Variants in METTL15 observed in about 807,000 individuals in gnomAD.
METTL15 encodes methyltransferase 15, mitochondrial 12S rRNA N4-cytidine, also known as 12S rRNA N(4)-cytidine methyltransferase METTL15.
In METTL15, 34 loss-of-function variants were observed where a neutral mutation model predicts 38.3. The ratio of observed to expected loss-of-function variants is 0.89; its 90% CI spans 0.68 to 1.18. METTL15 has a LOEUF of 1.18. METTL15 is among the 50% of genes most tolerant of loss of function. The pLI, the probability that METTL15 is intolerant of heterozygous loss-of-function variation, is 0.00. For missense variants in METTL15, 438 were observed against 498.4 expected, an observed-to-expected ratio of 0.88 and a Z score of 1.15; for synonymous variants, 162 against 170.9, an observed-to-expected ratio of 0.95 and a Z score of 0.41.
intron 4 of METTL15, among the ~76,000 whole-genome samples, chr11:28,269,287 C>T (rs1279092722): frequency 6.6e-6 from 1 of 151,974 alleles, no homozygotes. Context: ...AGATTTCTCT[C>T]CCTCTTAGAA....
chr11:28,327,191 T>C (rs889835018), intron 6 of METTL15, among the ~76,000 whole-genome samples: 1 of 152,132 alleles, frequency 6.6e-6, no homozygotes, highest in Non-Finnish European at 1.5e-5. Context: ...AAGATGGGAC[T>C]TAGTGAGGTT....
At chr11:28,155,550 C>G (rs891433983) in intron 3 of METTL15, among the ~76,000 whole-genome samples, 1 of 152,070 alleles carries the variant, frequency 6.6e-6, no homozygotes, top group Non-Finnish European at 1.5e-5. Context: ...GAATTAATGG[C>G]TTATGGACCC....
chr11:28,465,506 G>A (rs1033367475), intron 6 of METTL15, among the ~76,000 whole-genome samples: 3 of 152,000 alleles, frequency 2.0e-5, no homozygotes, highest in African/African-American at 4.8e-5. Context: ...TCTCCACTTC[G>A]ATAACTTAGA....
chr11:28,431,602 A>G (rs1172666346), intron 6 of METTL15, among the ~76,000 whole-genome samples: 1 of 69,334 alleles, frequency 1.4e-5, no homozygotes, highest in African/African-American at 5.5e-5. Context: ...AAGAGTCATC[A>G]CCAATCCCTA....
At chr11:28,430,506 G>A (rs1329709286) in intron 6 of METTL15, among the ~76,000 whole-genome samples, 3 of 1,396 alleles carry the variant, frequency 2.1e-3, no homozygotes, top group Admixed American at 4.2e-3. Context: ...AGATGGGGGG[G>A]TCAGCCCCCC....
At chr11:28,113,043 C>T (rs1269935565) in intron 2 of METTL15, among the ~76,000 whole-genome samples, 1 of 152,030 alleles carries the variant, frequency 6.6e-6, no homozygotes, top group East Asian at 1.9e-4. Context: ...ATTTTCATAT[C>T]CCTAATGGTT....
intron 5 of METTL15, among the ~76,000 whole-genome samples, chr11:28,366,019 C>A (rs191218576): frequency 6.6e-6 from 1 of 152,254 alleles, no homozygotes; most frequent in East Asian, 1.9e-4. Context: ...CACTGCACCC[C>A]AGCCTGGGTG....
chr11:28,445,846 T>A (rs1851070932), intron 6 of METTL15, among the ~76,000 whole-genome samples: 1 of 151,744 alleles, frequency 6.6e-6, no homozygotes, highest in African/African-American at 2.4e-5. Context: ...AGAGATGAGG[T>A]TTTGCCATGT....
intron 6 of METTL15, chr11:28,327,552 CTT>C (rs1367620181): frequency 6.6e-6 from 1 of 152,566 alleles, no homozygotes; most frequent in Non-Finnish European, 1.5e-5. Context: ...TAAATTATCA[CTT>C]TGGGTGAATG....
chr11:28,188,185 T>A (rs1851570691), intron 3 of METTL15, among the ~76,000 whole-genome samples: 1 of 151,316 alleles, frequency 6.6e-6, no homozygotes, highest in South Asian at 2.1e-4. Context: ...TTGGGACATA[T>A]CATAGTTGAA....
chr11:28,310,046 C>T (rs1404382084), intron 6 of METTL15, among the ~76,000 whole-genome samples: 2 of 150,064 alleles, frequency 1.3e-5, no homozygotes, highest in South Asian at 4.2e-4. Flanking sequence ...ATTTAATAGA[C>T]CCCCCCATCA....
chr11:28,408,146 G>T (rs1056300132), intron 5 of METTL15, among the ~76,000 whole-genome samples: 5 of 152,204 alleles, frequency 3.3e-5, no homozygotes, highest in African/African-American at 1.2e-4. Context: ...ATACACACTG[G>T]GGCCTGTTGG....
chr11:28,439,125 T>G (rs974590466), intron 6 of METTL15, among the ~76,000 whole-genome samples: 3 of 152,212 alleles, frequency 2.0e-5, no homozygotes, highest in Non-Finnish European at 4.4e-5. Context: ...TCTCTGGATT[T>G]TTGTTCAGTC....
At chr11:28,321,072 A>G (rs1849450308) in intron 6 of METTL15, among the ~76,000 whole-genome samples, 1 of 152,152 alleles carries the variant, frequency 6.6e-6, no homozygotes, top group African/African-American at 2.4e-5. Context: ...TCCAGGCTGA[A>G]AGTAGAATAA....
intron 3 of METTL15, among the ~76,000 whole-genome samples, chr11:28,148,876 A>G (rs1272708282): frequency 2.0e-5 from 3 of 151,904 alleles, no homozygotes; most frequent in African/African-American, 4.8e-5. Flanking sequence ...TAGACTTTAT[A>G]TATTCTGTGT....
chr11:28,421,226 C>G (rs1564926551), intron 5 of METTL15, among the ~76,000 whole-genome samples: 1 of 151,938 alleles, frequency 6.6e-6, no homozygotes, highest in Non-Finnish European at 1.5e-5. Flanking sequence ...TAAAAAACAT[C>G]TCCCAGCAGA....
At chr11:28,391,230 C>T (rs2133393918) in intron 5 of METTL15, among the ~76,000 whole-genome samples, 1 of 152,164 alleles carries the variant, frequency 6.6e-6, no homozygotes, top group East Asian at 1.9e-4. Flanking sequence ...TTTCCTTCTC[C>T]TGCCTAATTG....
chr11:28,355,583 A>G (rs1385900184), intron 4 of METTL15, among the ~76,000 whole-genome samples: 12 of 152,254 alleles, frequency 7.9e-5, no homozygotes, highest in Non-Finnish European at 1.8e-4. Context: ...AATAAAATAT[A>G]CAAATTAAAA....
At chr11:28,127,705 T>C (rs949983668) in intron 3 of METTL15, among the ~76,000 whole-genome samples, 18 of 152,176 alleles carry the variant, frequency 1.2e-4, no homozygotes, top group African/African-American at 3.9e-4. Flanking sequence ...TGCTATTTTA[T>C]GTAGAATAAG....
Sources: allele counts gnomAD v4.1 joint callset (sites outside exome capture counted in the v4.1 genomes callset), GRCh38; gene constraint gnomAD v4.1.1; transcripts MANE v1.5; gene names NCBI Gene and HGNC (gene_info 2026-07-23, HGNC 2026-07-21).